POT1: variants seen among roughly 807,000 people sequenced by gnomAD.
POT1 encodes protection of telomeres protein 1.
POT1 carries 47 observed loss-of-function variants against 78.5 expected under a neutral mutation model. The observed-to-expected ratio is 0.60, with a 90% CI of 0.47 to 0.76. The LOEUF is 0.76. Among genes scored for constraint, POT1 ranks in the 30% least tolerant of loss-of-function variants. The pLI, the probability that POT1 is intolerant of heterozygous loss-of-function variation, is 0.00. For missense variants in POT1, 646 were observed against 749.9 expected, an observed-to-expected ratio of 0.86 and a Z score of 1.62; for synonymous variants, 259 against 260.7, an observed-to-expected ratio of 0.99 and a Z score of 0.06.
chr7:124,896,971 T>C (rs1796506147), intron 5 of POT1, among the ~76,000 whole-genome samples, 194 bp downstream of exon 5: 1 of 151,746 alleles, frequency 6.6e-6, no homozygotes, highest in South Asian at 2.1e-4. Context: ...CAGATATTGA[T>C]TACTAGGTAA....
chr7:124,837,517 C>A (rs1794927260), intron 14 of POT1, among the ~76,000 whole-genome samples: 1 of 151,978 alleles, frequency 6.6e-6, no homozygotes, highest in Admixed American at 6.6e-5. Flanking sequence ...TCTATCAAAA[C>A]TCACACAAGG....
chr7:124,855,085 C>T (rs11772420), intron 9 of POT1, among the ~76,000 whole-genome samples: 44,833 of 150,810 alleles, frequency 0.3, 6,713 homozygotes, highest in South Asian at 0.4. Flanking sequence ...AAAACTTATA[C>T]GAAAGAGAAC....
chr7:124,922,578 T>C (rs993027825), intron 2 of POT1, among the ~76,000 whole-genome samples: 2 of 151,902 alleles, frequency 1.3e-5, no homozygotes, highest in African/African-American at 4.8e-5. Context: ...GGTACAATAG[T>C]AGCTGTAAGT....
chr7:124,906,086 C>T (rs1277092198), intron 3 of POT1, among the ~76,000 whole-genome samples: 1 of 152,068 alleles, frequency 6.6e-6, no homozygotes, highest in Admixed American at 6.6e-5. Flanking sequence ...GTCGCGATTC[C>T]TCAAAGATCT....
intron 7 of POT1, among the ~76,000 whole-genome samples, chr7:124,870,321 A>T (rs1482155837): frequency 2.6e-4 from 39 of 152,060 alleles, no homozygotes; most frequent in Admixed American, 2.5e-3. Context: ...AAGTTCTAAA[A>T]TTTTTTTAAT....
At chr7:124,854,895 C>T (rs761637545) in intron 9 of POT1, among the ~76,000 whole-genome samples, 22 of 151,478 alleles carry the variant, frequency 1.5e-4, no homozygotes, top group Non-Finnish European at 3.1e-4. Flanking sequence ...ATTAGTATAG[C>T]ACATGTATGT....
chr7:124,853,283 G>A (rs1365750879), intron 9 of POT1, 145 bp from the exon 10 acceptor site: 3 of 607,640 alleles, frequency 4.9e-6, no homozygotes, highest in African/African-American at 3.7e-5. Context: ...TATGCTATAC[G>A]AGTGTGGTTG....
At chr7:124,850,634 G>A (rs1181308287) in intron 11 of POT1, among the ~76,000 whole-genome samples, 1 of 152,026 alleles carries the variant, frequency 6.6e-6, no homozygotes, top group African/African-American at 2.4e-5. Flanking sequence ...GGGAGGCTGA[G>A]GCAGGAGAAT....
At chr7:124,824,486 C>G (rs893513133) in intron 18 of POT1, among the ~76,000 whole-genome samples, 6 of 151,566 alleles carry the variant, frequency 4.0e-5, no homozygotes, top group Admixed American at 3.3e-4. Context: ...TAAAGGTATT[C>G]AAGTTAAACT....
At chr7:124,847,367 G>T (rs1323378542) in intron 11 of POT1, among the ~76,000 whole-genome samples, 1 of 152,140 alleles carries the variant, frequency 6.6e-6, no homozygotes, top group East Asian at 1.9e-4. Context: ...TGGTGCAGAT[G>T]CCTGTAATCC....
chr7:124,860,074 C>T (rs1232300333), intron 8 of POT1, among the ~76,000 whole-genome samples: 1 of 151,798 alleles, frequency 6.6e-6, no homozygotes, highest in Non-Finnish European at 1.5e-5. Context: ...CGAGTAATGT[C>T]TAGCTCCTCT....
chr7:124,864,576 C>T (rs1314590727), intron 7 of POT1, among the ~76,000 whole-genome samples: 2 of 151,820 alleles, frequency 1.3e-5, no homozygotes, highest in African/African-American at 2.4e-5. Flanking sequence ...TGCTCCATTT[C>T]GTTCTTCTTA....
intron 8 of POT1, among the ~76,000 whole-genome samples, chr7:124,860,412 T>C (rs1320058308): frequency 7.9e-5 from 12 of 152,184 alleles, no homozygotes; most frequent in Non-Finnish European, 8.8e-5. Flanking sequence ...ATTGTTAGTA[T>C]TTGTTTTTTT....
Position 124,853,090 on chromosome 7 carries a change from T to A in POT1, c.751A>T (p.Met251Leu). The A allele has an allele frequency of 6.2e-7, 1 of 1,608,014 alleles. No homozygotes were observed. The change falls in exon 10 of 19, where the codon ATG (methionine) becomes TTG (leucine). Residue 251 changes from methionine (M) to leucine (L), a missense_variant. By Grantham distance (15) the Met-to-Leu change is conservative (BLOSUM62 2). Coordinates refer to ENST00000357628, the MANE Select transcript of POT1 (RefSeq NM_015450.3). ...IYSLHTKLQS[M>L]NSENQTMLSL... ...AACATTGTCTGATTCTCTGAATTCA[T>A]TGATTGAAGTTTGGTATGAAGGCTA...
Position 124,881,566 on chromosome 7 carries a change from G to T in POT1, c.125-10525C>A, listed in dbSNP as rs147936727. On this transcript the variant is annotated intron_variant, in intron 6 of 18. Coordinates refer to ENST00000357628, the MANE Select transcript of POT1 (RefSeq NM_015450.3). ...ATTAGCATTAGATTCATGGCATGAA[G>T]GGAACCACACTACTTGTTTTAACAA... Among the ~76,000 whole-genome samples, 237 of 152,030 alleles carry T rather than the reference G, an allele frequency of 1.6e-3. 3 individuals carry two copies. In the South Asian group the frequency reaches 0.016, roughly 10 times the overall value.
rs1410842025 is a variant in POT1 at position 124,835,384 on chromosome 7, G to A, written c.1400C>T (p.Ser467Leu). 6.2e-7 allele frequency: 1 copy of A among 1,613,514 alleles called. No individual in the cohort carries two copies. The highest frequency in any genetic ancestry group is 8.5e-7 in the Non-Finnish European group (1 of 1,179,474). The change falls in exon 15 of 19, where the codon TCG (serine) becomes TTG (leucine). Residue 467 changes from serine (S) to leucine (L), a missense_variant. Ser to Leu is a moderately radical substitution (Grantham distance 145). Transcript: ENST00000357628. ...AGGAATTACACTATTAAACTTGTTC[G>A]AGAGTTTGCAAATTTCACTGAGTGT... The part of the protein sequence containing the change: ...GGTLSEICKL[S>L]NKFNSVIPVR...
rs761173025 is a variant in POT1, at chr7:124,840,972, C to T, written c.1369+1G>A. 1.9e-6 allele frequency: 3 copies of T among 1,585,038 alleles called. No homozygotes were observed. The highest frequency in any genetic ancestry group is 2.2e-5 in the South Asian group (2 of 90,170). On this transcript the variant is annotated splice_donor_variant, in intron 14 of 18. Coordinates refer to ENST00000357628, the MANE Select transcript of POT1 (RefSeq NM_015450.3). LOFTEE classifies it high-confidence loss of function. ...ACAAAACAGTGACTTAAATATCTTA[C>T]CTTCTATCAAAAGTAGACATTCATT...
chr7:124,850,554 C>T (rs993247803), intron 11 of POT1, among the ~76,000 whole-genome samples: 14 of 152,118 alleles, frequency 9.2e-5, no homozygotes, highest in Middle Eastern at 3.4e-3. Context: ...AGTGAAACCC[C>T]GTCTCTACTA....
In POT1 at chr7:124,859,692, C is replaced by G. The variant is rs371911417; in HGVS notation, c.547-580G>C. On this transcript the variant is annotated intron_variant, in intron 8 of 18. Transcript: ENST00000357628. ...GAGACATACAAATTACCCACCAGCT[C>G]TGGCTATAAATGACGCCTGGTTATT... Among the ~76,000 whole-genome samples, 33 of 150,932 alleles carry G rather than the reference C, an allele frequency of 2.2e-4. No individual in the cohort carries two copies. In the East Asian group the frequency reaches 5.8e-3, roughly 27 times the overall value.
Sources: gnomAD v4.1 joint callset for allele counts (sites outside exome capture counted in the v4.1 genomes callset) on GRCh38, gnomAD v4.1.1 for gene constraint, MANE v1.5 for transcripts, NCBI Gene and HGNC (gene_info 2026-07-23, HGNC 2026-07-21) for gene names.